USP6NL: variants seen among roughly 807,000 people sequenced by gnomAD.
The protein encoded by USP6NL is USP6 N-terminal-like protein.
In USP6NL, 26 loss-of-function variants were observed where a neutral mutation model predicts 61.9. The ratio of observed to expected loss-of-function variants is 0.42; its 90% CI spans 0.31 to 0.58. The LOEUF (loss-of-function observed/expected upper bound fraction) is 0.58, where lower values mean the gene tolerates loss of function less well. Among genes scored for constraint, USP6NL ranks in the 20% least tolerant of loss-of-function variants. The pLI is 0.16. For missense variants in USP6NL, 1,114 were observed against 1,034.3 expected, an observed-to-expected ratio of 1.08 and a Z score of -1.06; for synonymous variants, 432 against 390.1, an observed-to-expected ratio of 1.11 and a Z score of -1.27.
chr10:11,501,067 A>G, intron 7 of USP6NL, 34 bp downstream of exon 7: 1 of 1,482,470 alleles, frequency 6.7e-7, no homozygotes, highest in Non-Finnish European at 9.1e-7. Context: ...TTACTTTTTA[A>G]TTTCAAAATA....
chr10:11,493,615 A>G (rs1171801809), intron 7 of USP6NL, among the ~76,000 whole-genome samples: 2 of 152,182 alleles, frequency 1.3e-5, no homozygotes, highest in Non-Finnish European at 2.9e-5. Flanking sequence ...CCTTGAAGCT[A>G]ATCATTGCCT....
intron 1 of USP6NL, among the ~76,000 whole-genome samples, chr10:11,604,373 C>T (rs1329077983): frequency 1.3e-5 from 2 of 152,070 alleles, no homozygotes; most frequent in Non-Finnish European, 2.9e-5. Context: ...CTAAAACAAG[C>T]TGGTCTAAAA....
intron 1 of USP6NL, among the ~76,000 whole-genome samples, chr10:11,599,872 G>T (rs574426526): frequency 6.6e-6 from 1 of 151,960 alleles, no homozygotes; most frequent in Non-Finnish European, 1.5e-5. Flanking sequence ...TGTTAGCCAG[G>T]ATGGTCTCGA....
At chr10:11,527,779 G>A (rs1835479754) in intron 2 of USP6NL, among the ~76,000 whole-genome samples, 1 of 152,106 alleles carries the variant, frequency 6.6e-6, no homozygotes, top group Non-Finnish European at 1.5e-5. Flanking sequence ...GTTCATTAAG[G>A]CATAAACTTA....
chr10:11,535,469 C>T (rs1297527365), intron 2 of USP6NL, among the ~76,000 whole-genome samples: 2 of 152,048 alleles, frequency 1.3e-5, no homozygotes, highest in African/African-American at 4.8e-5. Flanking sequence ...CAAAGGCAAG[C>T]TGAAAAAATG....
rs1835381033 is a variant in USP6NL at position 11,525,539 on chromosome 10, CGAA to C, written c.73-74_73-72del. ...TGAATAATTTTTTAAAATAAAAGGA[CGAA>C]GAAATAAGAGCTATTTTTAATGTAT... On this transcript the variant is annotated intron_variant, in intron 3 of 14. Transcript: ENST00000609104. This position sits in a 1 kb window ranked among gnomAD's most constrained non-coding sequence, Gnocchi z 5.0. The C allele has an allele frequency of 6.1e-6, 8 of 1,307,256 alleles. No homozygotes were observed. Among genetic ancestry groups the C allele is most frequent in the Non-Finnish European group, 8.3e-6 (8 of 966,610 alleles). The allele number at this position is 1,307,256 out of a possible 1,614,324, so 81.0% of individuals were successfully genotyped here.
rs538972645 is a variant in USP6NL, at chr10:11,540,306, TTGTG to T, written c.5-12743_5-12740del. Among the ~76,000 whole-genome samples, 31 of 152,334 alleles carry T rather than the reference TTGTG, an allele frequency of 2.0e-4. No homozygotes were observed. The South Asian group carries it at 6.4e-3, about 32-fold the overall frequency. On this transcript the variant is annotated intron_variant, in intron 2 of 14. Coordinates refer to ENST00000609104, the MANE Select transcript of USP6NL (RefSeq NM_014688.5). This position sits in a 1 kb window ranked among gnomAD's most constrained non-coding sequence, Gnocchi z 5.0. The stretch of plus-strand genomic sequence containing the variant: ...TGGACCTGCTATATTATGTTTTAAG[TTGTG>T]TGTTTTAGGATAATAACAAGAAATG...
intron 1 of USP6NL, among the ~76,000 whole-genome samples, chr10:11,609,437 C>T (rs1478510834): frequency 6.8e-6 from 1 of 147,574 alleles, no homozygotes; most frequent in Non-Finnish European, 1.5e-5. Context: ...GTCTGCATTG[C>T]ACTAGTTACA....
At chr10:11,486,804 A>C (rs900532531) in intron 10 of USP6NL, among the ~76,000 whole-genome samples, 3 of 152,086 alleles carry the variant, frequency 2.0e-5, no homozygotes, top group Non-Finnish European at 4.4e-5. Flanking sequence ...TTTTTCTTTC[A>C]CTCAGTCTCC....
chr10:11,516,206 C>G (rs1834950120), intron 5 of USP6NL, among the ~76,000 whole-genome samples: 1 of 152,126 alleles, frequency 6.6e-6, no homozygotes, highest in South Asian at 2.1e-4. Context: ...ACCACTCTCC[C>G]TATTTTAAAC....
intron 2 of USP6NL, among the ~76,000 whole-genome samples, chr10:11,586,361 A>C (rs1196158415): frequency 6.6e-6 from 1 of 151,862 alleles, no homozygotes; most frequent in East Asian, 1.9e-4. Flanking sequence ...GCCATCTTAA[A>C]TGACCAAAAA....
At position 11,532,132 on chromosome 10, in the gene USP6NL, A is replaced by C; in HGVS notation, c.5-4565T>G. 7.3e-7 allele frequency: 1 copy of C among 1,364,056 alleles called. No individual in the cohort carries two copies. Among genetic ancestry groups the C allele is most frequent in the Admixed American group, 2.3e-5 (1 of 43,184 alleles). The allele number at this position is 1,364,056 out of a possible 1,614,324, so 84.5% of individuals were successfully genotyped here. ...TTTTTCCTAGAGTACATTTTGACAGATGAACGTTAAAAATATAAACAACAT... is the reference window on the plus strand; with the variant it reads ...TTTTTCCTAGAGTACATTTTGACAGCTGAACGTTAAAAATATAAACAACAT... On this transcript the variant is annotated intron_variant, in intron 2 of 14. Transcript: ENST00000609104. The surrounding 1 kb of genome is among the most constrained non-coding windows in gnomAD (Gnocchi z 4.1).
Position 11,491,264 on chromosome 10 carries a change from A to G in USP6NL, c.495-384T>C, listed in dbSNP as rs550084129. Among the ~76,000 whole-genome samples the G allele has an allele frequency of 6.6e-6, 1 of 152,302 alleles. No individual in the cohort carries two copies. The highest frequency in any genetic ancestry group is 1.9e-4 in the East Asian group (1 of 5,178). ...TACAATACCCTGCAGGGAAAGGGTG[A>G]TGTCCTTGGGATGCTGAATATGCTC... On this transcript the variant is annotated intron_variant, in intron 8 of 14. Coordinates refer to ENST00000609104, the MANE Select transcript of USP6NL (RefSeq NM_014688.5). This position sits in a 1 kb window ranked among gnomAD's most constrained non-coding sequence, Gnocchi z 4.7.
intron 2 of USP6NL, among the ~76,000 whole-genome samples, chr10:11,531,827 A>C (rs1036488412): frequency 6.6e-6 from 1 of 152,206 alleles, no homozygotes; most frequent in Non-Finnish European, 1.5e-5. Context: ...GGAAATACTC[A>C]AGTATACAGG....
chr10:11,572,290 A>T (rs958020087), intron 2 of USP6NL, among the ~76,000 whole-genome samples: 1 of 152,092 alleles, frequency 6.6e-6, no homozygotes, highest in Admixed American at 6.5e-5. Context: ...AATTGTTAGA[A>T]TCCTGCTATT....
chr10:11,467,668 A>C (rs1046688164), intron 14 of USP6NL, among the ~76,000 whole-genome samples: 1 of 152,262 alleles, frequency 6.6e-6, no homozygotes, highest in Non-Finnish European at 1.5e-5. Flanking sequence ...CAATATGTGT[A>C]GTATAATCTC....
chr10:11,567,706 C>T (rs1422143813), intron 2 of USP6NL, among the ~76,000 whole-genome samples: 6 of 152,124 alleles, frequency 3.9e-5, no homozygotes, highest in African/African-American at 1.4e-4. Context: ...ATATCAGCAA[C>T]AGAATAACAA....
At chr10:11,558,206 T>C (rs1055185819) in intron 2 of USP6NL, among the ~76,000 whole-genome samples, 1 of 152,210 alleles carries the variant, frequency 6.6e-6, no homozygotes, top group Non-Finnish European at 1.5e-5. Flanking sequence ...TCTTCTTCCC[T>C]GCTCCTTTGT....
In USP6NL at chr10:11,463,016, A is replaced by T. The variant is rs1456840690; in HGVS notation, c.1912T>A (p.Tyr638Asn). The T allele has an allele frequency of 6.2e-7, 1 of 1,613,750 alleles. No homozygotes were observed. Among genetic ancestry groups the T allele is most frequent in the African/African-American group, 1.3e-5 (1 of 74,886 alleles). Residue 638 changes from tyrosine to asparagine, a missense_variant, in exon 15 of 15, where the codon TAC (tyrosine) becomes AAC (asparagine). Transcript: ENST00000609104. This position sits in a 1 kb window ranked among gnomAD's most constrained non-coding sequence, Gnocchi z 6.3. ...HPPSYSNPPV[Y>N]HGNSPKHFPT... ...AAGTGTTTGGGAGAGTTTCCGTGGT[A>T]AACGGGGGGATTGCTGTAGGAGGGG... is the stretch of plus-strand genomic sequence containing the variant.
Sources: gnomAD v4.1 joint callset for allele counts (sites outside exome capture counted in the v4.1 genomes callset) on GRCh38, gnomAD v4.1.1 for gene constraint, Gnocchi (gnomAD v3.1) non-coding constraint, MANE v1.5 for transcripts, NCBI Gene and HGNC (gene_info 2026-07-23, HGNC 2026-07-21) for gene names.